The following CEP72 variants were observed in gnomAD, a reference collection of about 807,000 sequenced individuals.
CEP72 encodes the protein centrosomal protein 72.
Under a neutral mutation model 65.7 loss-of-function variants are expected in CEP72, and 78 were observed. The ratio of observed to expected loss-of-function variants is 1.19; its 90% confidence interval spans 0.99 to 1.43. The LOEUF is 1.43. Ranked by LOEUF, CEP72 falls within the 40% of genes most tolerant of loss-of-function variation. The pLI is 0.00. For synonymous variants in CEP72, 358 were observed against 351.7 expected, an observed-to-expected ratio of 1.02 and a Z score of -0.20; for missense variants, 914 against 832.9, an observed-to-expected ratio of 1.10 and a Z score of -1.20.
In CEP72 at chr5:640,408, C is replaced by G. The variant is rs371732867; in HGVS notation, c.1343C>G (p.Ala448Gly). 1.2e-6 allele frequency: 2 copies of G among 1,612,212 alleles called. No homozygotes were observed. Among genetic ancestry groups the G allele is most frequent in the South Asian group, 2.2e-5 (2 of 90,844 alleles). Residue 448 changes from alanine (A) to glycine (G), a missense_variant and splice_region_variant, in exon 9 of 12, where the codon GCT (alanine) becomes GGT (glycine). By Grantham distance (60) the Ala-to-Gly change is moderately conservative (BLOSUM62 0). Transcript: ENST00000264935. ...RSLHSNEAFL[A>G]QARHILSSVE... is the part of the protein sequence containing the mutation. ...TGTAATATTTGGTTTTCACTCCTAG[C>G]TCAGGCAAGACACATCTTGTCATCT...
intron 4 of CEP72, among the ~76,000 whole-genome samples, chr5:628,372 G>C (rs566367925): frequency 1.6e-4 from 24 of 152,144 alleles, no homozygotes; most frequent in Admixed American, 3.9e-4. Context: ...CCTGGCCCCA[G>C]GACCCAGCCC....
rs186457800 is a variant in CEP72 at position 643,526 on chromosome 5, A to G, written c.1540-773A>G. 165 of 985,302 alleles carry G rather than the reference A, an allele frequency of 1.7e-4. No individual in the cohort carries two copies. In the Middle Eastern group the frequency reaches 2.1e-3, roughly 12 times the overall value. The allele number at this position is 985,302 out of a possible 1,614,324, so 61.0% of individuals were successfully genotyped here. A position where few individuals can be genotyped will look rare whatever the true frequency, so the allele number is the denominator to read the frequency against. ...CGGCGGGTGGGCTCACTGAGCGGAG[A>G]AGGATGAAGCGGCGATACCCCCAGC... On this transcript the variant is annotated intron_variant, in intron 9 of 11. Transcript: ENST00000264935.
At chr5:671,264 C>T (rs899142726), downstream of CEP72, among the ~76,000 whole-genome samples, 2 of 151,910 alleles carry the variant, frequency 1.3e-5, no homozygotes, top group Non-Finnish European at 2.9e-5. Context: ...GGGGGTGGGG[C>T]GTGTGTAGTC....
intron 5 of CEP72, 36 bp downstream of exon 5, chr5:633,983 G>T: frequency 6.3e-7 from 1 of 1,591,278 alleles, no homozygotes; most frequent in Non-Finnish European, 8.6e-7. Flanking sequence ...CAGTGGGTCC[G>T]CTGGCTCTGG....
At chr5:634,427 C>G (rs1737451303) in intron 5 of CEP72, among the ~76,000 whole-genome samples, 1 of 152,206 alleles carries the variant, frequency 6.6e-6, no homozygotes, top group South Asian at 2.1e-4. Context: ...TCATTTATTC[C>G]ACCTCCGCTG....
intron 9 of CEP72, 137 bp downstream of exon 9, chr5:640,741 C>T: frequency 7.0e-7 from 1 of 1,437,326 alleles, no homozygotes; most frequent in East Asian, 2.5e-5. Flanking sequence ...CCACTCCCTG[C>T]CCGGGACCCG....
At chr5:632,937 T>C (rs61326901) in intron 4 of CEP72, among the ~76,000 whole-genome samples, 94 of 63,784 alleles carry the variant, frequency 1.5e-3, no homozygotes, top group African/African-American at 2.9e-3. Context: ...TTGGACCAGT[T>C]CTGGTGGGGT....
intron 11 of CEP72, among the ~76,000 whole-genome samples, chr5:648,483 ATGACTGTGAGGTG>A (rs1470113751): frequency 2.3e-4 from 17 of 74,538 alleles, no homozygotes; most frequent in East Asian, 1.3e-3. Flanking sequence ...ACTGTGAGGT[ATGACTGTGAGGTG>A]TGACTGTGAG....
the CEP72 span, among the ~76,000 whole-genome samples, chr5:675,429 AGCACGGTGG>A: frequency 4.8e-5 from 3 of 62,262 alleles, no homozygotes; most frequent in Non-Finnish European, 6.1e-5. Context: ...CCAGGGGTGC[AGCACGGTGG>A]GTGCAGTGTG....
chr5:649,252 GGACTGTGAGGTGT>G (rs1319841582), intron 11 of CEP72, among the ~76,000 whole-genome samples: 5 of 20,078 alleles, frequency 2.5e-4, no homozygotes, highest in African/African-American at 8.1e-4. Context: ...TGTGAGGTGT[GGACTGTGAGGTGT>G]GACTGTGAGG....
rs1386889536 is a variant in CEP72 at position 653,169 on chromosome 5, T to G, written c.*16T>G. On this transcript the variant is annotated 3_prime_UTR_variant, in exon 12 of 12. Transcript: ENST00000264935. ...GGCCTGCTGACTCCTGCCGAGAAGC[T>G]GGGCCACCCCTTAAGCTTCCTGGTA... The G allele has an allele frequency of 6.3e-7, 1 of 1,587,050 alleles. No individual in the cohort carries two copies. The highest frequency in any genetic ancestry group is 1.8e-5 in the Admixed American group (1 of 56,024).
Position 633,886 on chromosome 5 carries a change from G to C in CEP72, c.630G>C (p.Arg210Ser). The change falls in exon 5 of 12, where the codon AGG (arginine) becomes AGC (serine). Residue 210 changes from arginine to serine, a missense_variant. By Grantham distance (110) the Arg-to-Ser change is moderately radical (BLOSUM62 -1). Coordinates refer to ENST00000264935, the MANE Select transcript of CEP72 (RefSeq NM_018140.4). ...CAGAGTGCGAGTGGGACCTCGGCAG[G>C]CCTCCCGGGAGCACGAGCTTCAGCC... ...LIAECEWDLG[R>S]PPGSTSFSQK... 6.2e-7 allele frequency: 1 copy of C among 1,613,422 alleles called. No homozygotes were observed. Among genetic ancestry groups the C allele is most frequent in the Non-Finnish European group, 8.5e-7 (1 of 1,180,036 alleles).
At chr5:640,037 C>T (rs970694206) in intron 8 of CEP72, among the ~76,000 whole-genome samples, 1 of 152,192 alleles carries the variant, frequency 6.6e-6, no homozygotes, top group Admixed American at 6.5e-5. Flanking sequence ...GGGGACTGTC[C>T]CAGGCCCAGG....
intron 1 of CEP72, chr5:662,517 C>T (rs1689679): frequency 0.66 from 100,346 of 152,350 alleles, 34,219 homozygotes; most frequent in African/African-American, 0.85. Flanking sequence ...CCAACCCGCC[C>T]TTCCCTCCGT....
At chr5:616,831 T>TGCGCGCGC (rs1459436114) in intron 1 of CEP72, among the ~76,000 whole-genome samples, 1 of 147,768 alleles carries the variant, frequency 6.8e-6, no homozygotes, top group Non-Finnish European at 1.5e-5. Flanking sequence ...TGTGTGTGTG[T>TGCGCGCGC]GCGCGCGAGT....
intron 8 of CEP72, 111 bp from the exon 9 acceptor site, chr5:640,297 G>A: frequency 6.9e-7 from 1 of 1,440,796 alleles, no homozygotes; most frequent in Non-Finnish European, 9.4e-7. Context: ...CTCCCTACCT[G>A]TCGTCTTTTT....
intron 9 of CEP72, 42 bp from the exon 10 acceptor site, chr5:644,257 G>A: frequency 6.2e-7 from 1 of 1,603,246 alleles, no homozygotes; most frequent in Non-Finnish European, 8.5e-7. Context: ...GCATTTTACT[G>A]AATTTGACTT....
chr5:618,716 C>T (rs553313368), intron 1 of CEP72, among the ~76,000 whole-genome samples: 91 of 152,104 alleles, frequency 6.0e-4, no homozygotes, highest in Non-Finnish European at 9.1e-4. Flanking sequence ...AGGATTATTG[C>T]GAAAGAGAGG....
chr5:632,489 C>T (rs367632515), intron 4 of CEP72, among the ~76,000 whole-genome samples: 25 of 1,220 alleles, frequency 0.02, no homozygotes, highest in African/African-American at 0.029. Context: ...TTCTGTCCAG[C>T]GCCGGGATTT....
Sources: gnomAD v4.1 joint callset for allele counts (sites outside exome capture counted in the v4.1 genomes callset) on GRCh38, gnomAD v4.1.1 for gene constraint, MANE v1.5 for transcripts, NCBI Gene and HGNC (gene_info 2026-07-23, HGNC 2026-07-21) for gene names.